The following DCUN1D3 variants were observed in gnomAD, a reference collection of about 807,000 sequenced individuals.
DCUN1D3 encodes the protein defective in cullin neddylation 1 domain containing 3.
In DCUN1D3, 6 loss-of-function variants were observed where a neutral mutation model predicts 24.8. The observed-to-expected ratio is 0.24, with a 90% confidence interval of 0.13 to 0.48. DCUN1D3 has a LOEUF of 0.48. DCUN1D3 is among the 20% of genes least tolerant of loss of function. The pLI, the probability that DCUN1D3 is intolerant of heterozygous loss-of-function variation, is 0.99. For missense variants in DCUN1D3, 258 were observed against 379.4 expected, an observed-to-expected ratio of 0.68 and a Z score of 2.66; for synonymous variants, 120 against 144.9, an observed-to-expected ratio of 0.83 and a Z score of 1.24.
intron 2 of DCUN1D3, among the ~76,000 whole-genome samples, chr16:20,861,749 CA>C (rs34792031): frequency 6.1e-4 from 71 of 116,050 alleles, no homozygotes; most frequent in African/African-American, 6.7e-4. Flanking sequence ...CGTTATTCTG[CA>C]AAAAAAAAAA....
At chr16:20,882,173 C>G (rs1158911269) in intron 1 of DCUN1D3, among the ~76,000 whole-genome samples, 1 of 151,962 alleles carries the variant, frequency 6.6e-6, no homozygotes, top group African/African-American at 2.4e-5. Flanking sequence ...ATGCCTTATG[C>G]TGGGATTTTA....
chr16:20,862,549 G>T lies in DCUN1D3; in HGVS notation c.-11C>A. On this transcript the variant is annotated 5_prime_UTR_variant, in exon 2 of 3. Coordinates refer to ENST00000324344, the MANE Select transcript of DCUN1D3 (RefSeq NM_173475.4). ...GACACACTGGCCCATGGTGCTGGTG[G>T]CCTGGCCTCTAGAGTGGACCCCTCT... 6.3e-7 allele frequency: 1 copy of T among 1,595,000 alleles called. No individual in the cohort carries two copies. Among genetic ancestry groups the T allele is most frequent in the South Asian group, 1.1e-5 (1 of 90,046 alleles).
At position 20,875,199 on chromosome 16, in the gene DCUN1D3, C is replaced by T. The variant is rs576634564; in HGVS notation, c.-105-12556G>A. On this transcript the variant is annotated intron_variant, in intron 1 of 2. Transcript: ENST00000324344. ...ACAACTATGGCCCCAGAATAAACTG[C>T]GTGCGCTCATGCACACACACACACA... Among the ~76,000 whole-genome samples, 7 of 146,142 alleles carry T rather than the reference C, an allele frequency of 4.8e-5. No homozygotes were observed. The South Asian group carries it at 6.7e-4, about 14-fold the overall frequency.
chr16:20,861,189 G>C (rs2152515878), intron 2 of DCUN1D3, among the ~76,000 whole-genome samples: 1 of 152,342 alleles, frequency 6.6e-6, no homozygotes, highest in African/African-American at 2.4e-5. Flanking sequence ...ACACAGGCCT[G>C]GCTGAGGGCG....
At chr16:20,862,836 C>A (rs2152516052) in intron 1 of DCUN1D3, among the ~76,000 whole-genome samples, 193 bp from the exon 2 acceptor site, 1 of 152,258 alleles carries the variant, frequency 6.6e-6, no homozygotes, top group African/African-American at 2.4e-5. Flanking sequence ...GGCTGGGGCA[C>A]ATATGGAGAA....
rs555045116 is a variant in DCUN1D3, at chr16:20,869,627, G to A, written c.-105-6984C>T. On this transcript the variant is annotated intron_variant, in intron 1 of 2. Transcript: ENST00000324344. ...TCTATAAGCATGAAATGGAAAGGAGGAGGGAGAGGGTTGATATGGTTGGCT... is the reference window on the plus strand; with the variant it reads ...TCTATAAGCATGAAATGGAAAGGAGAAGGGAGAGGGTTGATATGGTTGGCT... 1.1e-4 allele frequency among the ~76,000 whole-genome samples: 17 copies of A among 152,322 alleles called. No individual in the cohort carries two copies. In the South Asian group the frequency reaches 3.5e-3, roughly 32 times the overall value.
chr16:20,864,074 T>C (rs764013205), intron 1 of DCUN1D3, among the ~76,000 whole-genome samples: 1 of 152,146 alleles, frequency 6.6e-6, no homozygotes, highest in Non-Finnish European at 1.5e-5. Context: ...AAAGATTTCA[T>C]AACAAAGACA....
chr16:20,866,734 CTCTT>C (rs1325917868), intron 1 of DCUN1D3, among the ~76,000 whole-genome samples: 1 of 152,234 alleles, frequency 6.6e-6, no homozygotes, highest in Non-Finnish European at 1.5e-5. Flanking sequence ...CCACTCTGGT[CTCTT>C]TCTTTGAAAT....
rs532215961 is a variant in DCUN1D3, at chr16:20,855,449, T to C, written c.*4437A>G. 2.6e-5 allele frequency: 4 copies of C among 152,270 alleles called. No homozygotes were observed. The highest frequency in any genetic ancestry group is 9.7e-5 in the African/African-American group (4 of 41,424). 9.4% of individuals were successfully genotyped at this position (152,270 alleles called of 1,614,324 possible). ...CCTTTGGCAATATCCAAGATTTGTG[T>C]TGAAAGGAGCAGGGAGGTTGGATGG... On this transcript the variant is annotated 3_prime_UTR_variant, in exon 3 of 3. Coordinates refer to ENST00000324344, the MANE Select transcript of DCUN1D3 (RefSeq NM_173475.4).
intron 1 of DCUN1D3, among the ~76,000 whole-genome samples, chr16:20,889,058 T>C (rs543437142): frequency 6.6e-6 from 1 of 152,196 alleles, no homozygotes; most frequent in African/African-American, 2.4e-5. Context: ...TGAAACCCCA[T>C]CTCTACTAAA....
intron 1 of DCUN1D3, among the ~76,000 whole-genome samples, chr16:20,873,786 C>T (rs368446905): frequency 6.6e-6 from 1 of 152,090 alleles, no homozygotes; most frequent in South Asian, 2.1e-4. Context: ...CCTGAAAATA[C>T]AGGAGGCTGG....
Position 20,859,613 on chromosome 16 carries a change from C to A in DCUN1D3, c.*273G>T. The A allele has an allele frequency of 3.5e-5, 7 of 198,094 alleles. No homozygotes were observed. The highest frequency in any genetic ancestry group is 1.9e-3 in the Middle Eastern group (1 of 516). The allele number at this position is 198,094 out of a possible 1,614,324, so 12.3% of individuals were successfully genotyped here. ...TTGTGCAAGAAATGGCAGGCTTATT[C>A]TATCTGAAGGCTTCAAAAAAAGATA... On this transcript the variant is annotated 3_prime_UTR_variant, in exon 3 of 3. Coordinates refer to ENST00000324344, the MANE Select transcript of DCUN1D3 (RefSeq NM_173475.4).
At chr16:20,884,180 A>C (rs990973376) in intron 1 of DCUN1D3, among the ~76,000 whole-genome samples, 2 of 152,192 alleles carry the variant, frequency 1.3e-5, no homozygotes, top group African/African-American at 2.4e-5. Flanking sequence ...CTTCTTATGG[A>C]GATTATACGA....
chr16:20,862,596 G>T lies in DCUN1D3; in HGVS notation c.-58C>A. On this transcript the variant is annotated 5_prime_UTR_variant, in exon 2 of 3. Coordinates refer to ENST00000324344, the MANE Select transcript of DCUN1D3 (RefSeq NM_173475.4). Reference sequence around the variant, plus strand: ...CTCTGGATTGGATGCCCTCGCTGCCGCTGGCCCATGTACCTCAACATGCCA... The same window carrying T: ...CTCTGGATTGGATGCCCTCGCTGCCTCTGGCCCATGTACCTCAACATGCCA... The T allele has an allele frequency of 1.9e-6, 3 of 1,540,590 alleles. No individual in the cohort carries two copies. Among genetic ancestry groups the T allele is most frequent in the Non-Finnish European group, 2.6e-6 (3 of 1,152,134 alleles).
chr16:20,888,822 C>T (rs1265807602), intron 1 of DCUN1D3, among the ~76,000 whole-genome samples: 1 of 152,244 alleles, frequency 6.6e-6, no homozygotes, highest in African/African-American at 2.4e-5. Flanking sequence ...TGCCGTGGCT[C>T]ACACCTGTAA....
At position 20,860,392 on chromosome 16, in the gene DCUN1D3, A is replaced by C. The variant is rs767734395; in HGVS notation, c.432-23T>G. ...TTCCTGCAACAGAAAGGAAAAGGACAATTAATCATTATAAACTATACTATT... is the reference window on the plus strand; with the variant it reads ...TTCCTGCAACAGAAAGGAAAAGGACCATTAATCATTATAAACTATACTATT... On this transcript the variant is annotated intron_variant, in intron 2 of 2. Transcript: ENST00000324344. This position sits in a 1 kb window ranked among gnomAD's most constrained non-coding sequence, Gnocchi z 4.3. The C allele has an allele frequency of 6.3e-7, 1 of 1,599,322 alleles. No homozygotes were observed. Among genetic ancestry groups the C allele is most frequent in the Non-Finnish European group, 8.5e-7 (1 of 1,173,046 alleles).
Position 20,860,606 on chromosome 16 carries a change from C to T in DCUN1D3, c.432-237G>A, listed in dbSNP as rs771694536. The stretch of plus-strand genomic sequence containing the variant: ...TCTGCTTCTAACAGTGCCTGGCACA[C>T]GGTTGGCAGCTGATAATGGTTCATT... On this transcript the variant is annotated intron_variant, in intron 2 of 2. Transcript: ENST00000324344. The surrounding 1 kb of genome is among the most constrained non-coding windows in gnomAD (Gnocchi z 4.3). Among the ~76,000 whole-genome samples, 38 of 152,116 alleles carry T rather than the reference C, an allele frequency of 2.5e-4. No homozygotes were observed. Among genetic ancestry groups the T allele is most frequent in the Admixed American group, 2.0e-3 (30 of 15,278 alleles).
chr16:20,881,156 T>C (rs998949817), intron 1 of DCUN1D3, among the ~76,000 whole-genome samples: 1 of 152,244 alleles, frequency 6.6e-6, no homozygotes, highest in Non-Finnish European at 1.5e-5. Flanking sequence ...TAAAGCCATG[T>C]ACAACTCAAA....
At chr16:20,886,242 C>A (rs376097262) in intron 1 of DCUN1D3, among the ~76,000 whole-genome samples, 33 of 152,084 alleles carry the variant, frequency 2.2e-4, no homozygotes, top group East Asian at 7.7e-4. Flanking sequence ...GTCCTGAAAT[C>A]GGGACCTGCT....
Sources: allele counts gnomAD v4.1 joint callset (sites outside exome capture counted in the v4.1 genomes callset), GRCh38; gene constraint gnomAD v4.1.1; non-coding constraint Gnocchi (gnomAD v3.1); transcripts MANE v1.5; gene names NCBI Gene and HGNC (gene_info 2026-07-23, HGNC 2026-07-21).